PIK3R1: variants seen among roughly 807,000 people sequenced by gnomAD.
PIK3R1 encodes the protein phosphatidylinositol 3-kinase regulatory subunit alpha.
Under a neutral mutation model 98.0 loss-of-function variants are expected in PIK3R1, and 29 were observed. The observed-to-expected ratio is 0.30, with a 90% confidence interval of 0.22 to 0.40. The LOEUF (loss-of-function observed/expected upper bound fraction) is 0.40, where lower values mean the gene tolerates loss of function less well. Among genes scored for constraint, PIK3R1 ranks in the 10% least tolerant of loss-of-function variants. PIK3R1 has a pLI of 1.00. For missense variants in PIK3R1, 596 were observed against 872.7 expected (o/e 0.68, Z 3.99); for synonymous variants, 282 against 311.8 (o/e 0.90, Z 1.01).
chr5:68,291,548 TTTTA>T (rs1228506231), intron 7 of PIK3R1: 1 of 152,248 alleles, frequency 6.6e-6, no homozygotes, highest in Non-Finnish European at 1.5e-5. Flanking sequence ...TACTGCAGTC[TTTTA>T]TTTGTCACCA....
intron 1 of PIK3R1, among the ~76,000 whole-genome samples, chr5:68,221,435 T>A (rs775320204): frequency 4.6e-5 from 7 of 152,234 alleles, no homozygotes; most frequent in Non-Finnish European, 1.0e-4. Flanking sequence ...AGATATGGGC[T>A]GTGGGCCCAG....
At chr5:68,280,811 A>T (rs1180272208) in intron 6 of PIK3R1, 82 bp downstream of exon 6, 1 of 1,305,612 alleles carries the variant, frequency 7.7e-7, no homozygotes, top group Admixed American at 1.7e-5. Flanking sequence ...TATTCTGAAT[A>T]TACTACTCCA....
chr5:68,299,662 A>T lies in PIK3R1; in HGVS notation c.*2061A>T, dbSNP rs926540181. On this transcript the variant is annotated 3_prime_UTR_variant, in exon 16 of 16. Coordinates refer to ENST00000521381, the MANE Select transcript of PIK3R1 (RefSeq NM_181523.3). ...CTCCATATTAGATTTACCCACAGCT[A>T]TATTTCTGTTTAAGTACTAGGGTGA... The T allele has an allele frequency of 2.6e-5, 6 of 233,074 alleles. No homozygotes were observed. The highest frequency in any genetic ancestry group is 6.6e-5 in the African/African-American group (3 of 45,348). 14.4% of individuals were successfully genotyped at this position (233,074 alleles called of 1,614,324 possible).
At chr5:68,237,841 G>A (rs1010755268) in intron 2 of PIK3R1, among the ~76,000 whole-genome samples, 1 of 152,170 alleles carries the variant, frequency 6.6e-6, no homozygotes, top group African/African-American at 2.4e-5. Context: ...AAAAGTAGCA[G>A]GGCAGACCCA....
chr5:68,242,379 G>A (rs1282529385), intron 2 of PIK3R1, among the ~76,000 whole-genome samples: 5 of 152,158 alleles, frequency 3.3e-5, no homozygotes, highest in African/African-American at 1.2e-4. Flanking sequence ...TAGTCATAAT[G>A]TATGAAGCCA....
intron 1 of PIK3R1, among the ~76,000 whole-genome samples, chr5:68,220,347 C>T (rs1191902371): frequency 6.6e-6 from 1 of 152,182 alleles, no homozygotes; most frequent in Non-Finnish European, 1.5e-5. Flanking sequence ...CTCATTCCTG[C>T]CCCCTCAGGT....
At position 68,224,048 on chromosome 5, in the gene PIK3R1, AT is replaced by A. The variant is rs549936307; in HGVS notation, c.-386-2233del. Among the ~76,000 whole-genome samples, 86 of 151,872 alleles carry A rather than the reference AT, an allele frequency of 5.7e-4. 1 individual carries two copies. Among genetic ancestry groups the A allele is most frequent in the South Asian group, 3.5e-3 (17 of 4,800 alleles). On this transcript the variant is annotated intron_variant, in intron 1 of 15. Coordinates refer to ENST00000521381, the MANE Select transcript of PIK3R1 (RefSeq NM_181523.3). The stretch of plus-strand genomic sequence containing the variant: ...GATCTACCCAGCCTACTGGTTGAGG[AT>A]TTTTTTTTCCCCCCTAAAAGACATA...
At chr5:68,267,581 G>T (rs1187970315) in intron 2 of PIK3R1, among the ~76,000 whole-genome samples, 2 of 152,016 alleles carry the variant, frequency 1.3e-5, no homozygotes, top group African/African-American at 4.8e-5. Context: ...TATGGCTGAA[G>T]ATTTATTTCC....
chr5:68,293,071 G>A (rs1460435241), intron 8 of PIK3R1, 30 bp from the exon 9 acceptor site: 3 of 1,534,538 alleles, frequency 2.0e-6, no homozygotes, highest in African/African-American at 2.7e-5. Context: ...TAAACCTTAA[G>A]ATGAGCATTG....
Position 68,300,977 on chromosome 5 carries a change from T to G in PIK3R1, c.*3376T>G, listed in dbSNP as rs1748009723. ...GCTGTCACTGTGGGGAACCAATTGC[T>G]TTGTCATATAGCTGGTTATGAACTA... is the stretch of plus-strand genomic sequence containing the variant. On this transcript the variant is annotated 3_prime_UTR_variant, in exon 16 of 16. Transcript: ENST00000521381. The G allele has an allele frequency of 4.3e-6, 1 of 233,260 alleles. No individual in the cohort carries two copies. The highest frequency in any genetic ancestry group is 8.5e-6 in the Non-Finnish European group (1 of 117,888). The allele number at this position is 233,260 out of a possible 1,614,324, so 14.4% of individuals were successfully genotyped here.
In PIK3R1 at chr5:68,293,691, T is replaced by TAAGG. The variant is rs1747522776; in HGVS notation, c.1300-18_1300-17insAAGG. ...TGATTAAATACCTTATCCATTGAAT[T>TAAGG]TATTTTAATCTTTCTAGGATCAAGT... On this transcript the variant is annotated splice_polypyrimidine_tract_variant and intron_variant, in intron 10 of 15. Transcript: ENST00000521381. The TAAGG allele has an allele frequency of 8.6e-6, 12 of 1,396,320 alleles. No homozygotes were observed. The East Asian group carries it at 2.8e-4, about 32-fold the overall frequency. 86.5% of individuals were successfully genotyped at this position (1,396,320 alleles called of 1,614,324 possible). A position where few individuals can be genotyped will look rare whatever the true frequency, so the allele number is the denominator to read the frequency against.
At chr5:68,216,462 C>CGGT (rs1485422195) in intron 1 of PIK3R1, among the ~76,000 whole-genome samples, 2 of 152,074 alleles carry the variant, frequency 1.3e-5, no homozygotes, top group Non-Finnish European at 2.9e-5. Flanking sequence ...GGCGAGGCGG[C>CGGT]GGTGGTCCCC....
At chr5:68,278,034 C>T (rs1746654597) in intron 4 of PIK3R1, among the ~76,000 whole-genome samples, 1 of 152,130 alleles carries the variant, frequency 6.6e-6, no homozygotes, top group Admixed American at 6.6e-5. Context: ...AAAGTCCTCT[C>T]CTTTTCTAGA....
intron 1 of PIK3R1, among the ~76,000 whole-genome samples, chr5:68,224,794 A>C (rs997354522): frequency 2.7e-4 from 41 of 152,358 alleles, no homozygotes; most frequent in African/African-American, 8.4e-4. Flanking sequence ...AAATGCCTGG[A>C]GTACAAAGTG....
chr5:68,277,662 TTC>T (rs1315072941), intron 4 of PIK3R1, among the ~76,000 whole-genome samples: 2 of 152,230 alleles, frequency 1.3e-5, no homozygotes, highest in African/African-American at 4.8e-5. Context: ...GGATACTACC[TTC>T]TCCCACTCAT....
intron 15 of PIK3R1, among the ~76,000 whole-genome samples, chr5:68,296,747 G>A (rs1747733739): frequency 6.6e-6 from 1 of 151,344 alleles, no homozygotes; most frequent in South Asian, 2.1e-4. Context: ...ATCAGGAACA[G>A]GTGAAAAAAA....
chr5:68,235,344 A>C (rs2111997208), intron 2 of PIK3R1, among the ~76,000 whole-genome samples: 1 of 152,222 alleles, frequency 6.6e-6, no homozygotes, highest in South Asian at 2.1e-4. Context: ...CAGAGGTTGC[A>C]GTGAGCCGAG....
chr5:68,277,924 G>C (rs770592356), intron 4 of PIK3R1, among the ~76,000 whole-genome samples: 1 of 152,044 alleles, frequency 6.6e-6, no homozygotes, highest in Non-Finnish European at 1.5e-5. Flanking sequence ...GTAGTATCTT[G>C]CCCATCAGCC....
chr5:68,294,881 G>A (rs982889425), intron 12 of PIK3R1, among the ~76,000 whole-genome samples: 4 of 151,686 alleles, frequency 2.6e-5, no homozygotes, highest in East Asian at 1.9e-4. Flanking sequence ...TAGTGGGTGC[G>A]GCGCACCAGC....
Sources: allele counts gnomAD v4.1 joint callset (sites outside exome capture counted in the v4.1 genomes callset), GRCh38; gene constraint gnomAD v4.1.1; transcripts MANE v1.5; gene names NCBI Gene and HGNC (gene_info 2026-07-23, HGNC 2026-07-21).